ATAD5: variants seen among roughly 807,000 people sequenced by gnomAD.
The protein encoded by ATAD5 is ATPase family AAA domain containing 5, also known as ATPase family AAA domain-containing protein 5.
Under a neutral mutation model 176.9 loss-of-function variants are expected in ATAD5, and 58 were observed. The observed-to-expected ratio is 0.33, with a 90% CI of 0.27 to 0.41. The LOEUF (loss-of-function observed/expected upper bound fraction) is 0.41. ATAD5 is among the 10% of genes least tolerant of loss of function. ATAD5 has a pLI of 1.00. For synonymous variants in ATAD5, 640 were observed against 712.6 expected, an observed-to-expected ratio of 0.90 and a Z score of 1.62; for missense variants, 1,789 against 2,094.1, an observed-to-expected ratio of 0.85 and a Z score of 2.84.
rs1905801037 is a variant in ATAD5 at position 30,837,219 on chromosome 17, A to G, written c.1981A>G (p.Arg661Gly). Reference protein sequence around the residue: ...SESPIRMKFTRISTPKKSKKK... With the variant: ...SESPIRMKFTGISTPKKSKKK... ...TTTTTATTTCAGAATGAAATTCACC[A>G]GAATTAGTACTCCCAAAAAATCTAA... Residue 661 changes from arginine (R) to glycine (G), a missense_variant, in exon 3 of 23, where the codon AGA (arginine) becomes GGA (glycine). Coordinates refer to ENST00000321990, the MANE Select transcript of ATAD5 (RefSeq NM_024857.5). 6 of 1,529,506 alleles carry G rather than the reference A, an allele frequency of 3.9e-6. No individual in the cohort carries two copies. Among genetic ancestry groups the G allele is most frequent in the East Asian group, 2.3e-5 (1 of 43,786 alleles). 94.7% of individuals were successfully genotyped at this position (1,529,506 alleles called of 1,614,324 possible).
chr17:30,840,812 T>C (rs769021077), intron 4 of ATAD5, 31 bp downstream of exon 4: 39 of 1,569,896 alleles, frequency 2.5e-5, no homozygotes, highest in Non-Finnish European at 3.2e-5. Flanking sequence ...TTGGTATAAA[T>C]TCTCTCCTAT....
At position 30,865,870 on chromosome 17, in the gene ATAD5, G is replaced by A. The variant is rs556262743; in HGVS notation, c.3233+70G>A. The stretch of plus-strand genomic sequence containing the variant: ...GTTTTACTGTTTTTGTTTCGAAATT[G>A]TAGTTACAAAGTAATATATCTCATG... On this transcript the variant is annotated intron_variant, in intron 11 of 22. Transcript: ENST00000321990. 439 of 1,032,786 alleles carry A rather than the reference G, an allele frequency of 4.3e-4. 6 individuals are homozygous for A. The highest frequency in any genetic ancestry group is 4.1e-3 in the South Asian group (228 of 55,130). 64.0% of individuals were successfully genotyped at this position (1,032,786 alleles called of 1,614,324 possible).
intron 9 of ATAD5, among the ~76,000 whole-genome samples, chr17:30,859,378 G>C (rs556338178): frequency 6.6e-6 from 1 of 151,580 alleles, no homozygotes; most frequent in Non-Finnish European, 1.5e-5. Flanking sequence ...TTTATTTTTT[G>C]AGACAGAGTC....
intron 19 of ATAD5, 72 bp from the exon 20 acceptor site, chr17:30,892,535 A>G: frequency 9.0e-7 from 1 of 1,109,258 alleles, no homozygotes; most frequent in Non-Finnish European, 1.2e-6. Context: ...AAAGGATCTC[A>G]GGCTTTAAAT....
chr17:30,874,996 A>G (rs749133871), intron 14 of ATAD5, among the ~76,000 whole-genome samples: 18 of 152,164 alleles, frequency 1.2e-4, no homozygotes, highest in Non-Finnish European at 2.2e-4. Context: ...TATTTTTGAA[A>G]TGATGGTCAT....
intron 6 of ATAD5, among the ~76,000 whole-genome samples, chr17:30,851,179 G>A (rs531507569): frequency 1.8e-4 from 27 of 146,210 alleles, no homozygotes; most frequent in African/African-American, 3.7e-4. Context: ...GTGAGCCACC[G>A]TGCCGGTCTC....
At position 30,842,993 on chromosome 17, in the gene ATAD5, C is replaced by T. The variant is rs935057995; in HGVS notation, c.2242-920C>T. On this transcript the variant is annotated intron_variant, in intron 4 of 22. Coordinates refer to ENST00000321990, the MANE Select transcript of ATAD5 (RefSeq NM_024857.5). Reference sequence around the variant, plus strand: ...CCTGACCTCAGGTAATCCCCCCTGCCTTGGCCTCCCCAAGTGCTGAGATTA... The same window carrying T: ...CCTGACCTCAGGTAATCCCCCCTGCTTTGGCCTCCCCAAGTGCTGAGATTA... 2.6e-5 allele frequency among the ~76,000 whole-genome samples: 4 copies of T among 151,992 alleles called. No individual in the cohort carries two copies. In the East Asian group the frequency reaches 7.8e-4, roughly 30 times the overall value.
In ATAD5 at chr17:30,835,458, C is replaced by T. The variant is rs773951046; in HGVS notation, c.1377C>T (p.Gly459=). Reference sequence around the variant, plus strand: ...GTATCCAAATGGTTTCAAAAAATGGCAATTTACAGTTACACACTGATAAAG... The same window carrying T: ...GTATCCAAATGGTTTCAAAAAATGGTAATTTACAGTTACACACTGATAAAG... The part of the protein sequence containing the change: ...NSGIQMVSKN[G]NLQLHTDKGS... The change falls in exon 2 of 23, where the codon GGC becomes GGT. Residue 459 remains glycine (G), a synonymous_variant. Coordinates refer to ENST00000321990, the MANE Select transcript of ATAD5 (RefSeq NM_024857.5). 1.9e-6 allele frequency: 3 copies of T among 1,610,818 alleles called. No homozygotes were observed. Among genetic ancestry groups the T allele is most frequent in the Middle Eastern group, 3.3e-4 (2 of 6,058 alleles).
chr17:30,871,387 G>A (rs778156699), intron 14 of ATAD5, among the ~76,000 whole-genome samples: 5 of 150,966 alleles, frequency 3.3e-5, no homozygotes, highest in South Asian at 2.1e-4. Context: ...CGCACTTGTC[G>A]CCCAGGCTGG....
At chr17:30,865,363 G>A (rs780015185) in intron 10 of ATAD5, among the ~76,000 whole-genome samples, 11 of 151,916 alleles carry the variant, frequency 7.2e-5, no homozygotes, top group Non-Finnish European at 1.0e-4. Context: ...TAGTAGAGAC[G>A]GGGTTTCACC....
At chr17:30,870,902 G>A (rs769641080) in intron 14 of ATAD5, among the ~76,000 whole-genome samples, 38 of 152,018 alleles carry the variant, frequency 2.5e-4, no homozygotes, top group Non-Finnish European at 4.4e-4. Flanking sequence ...TCTTGTGCTT[G>A]GGATTTGTTG....
intron 14 of ATAD5, among the ~76,000 whole-genome samples, chr17:30,874,102 T>C (rs1331448381): frequency 6.6e-6 from 1 of 151,356 alleles, no homozygotes; most frequent in African/African-American, 2.4e-5. Flanking sequence ...GAGGTGGAGG[T>C]TACAGTGAGC....
intron 1 of ATAD5, among the ~76,000 whole-genome samples, chr17:30,832,781 T>C (rs1675667762): frequency 6.6e-6 from 1 of 152,216 alleles, no homozygotes; most frequent in Non-Finnish European, 1.5e-5. Flanking sequence ...ACTTTAGCGC[T>C]GAAGAAGATC....
In ATAD5 at chr17:30,894,065, G is replaced by C; in HGVS notation, c.5212G>C (p.Gly1738Arg). Residue 1738 changes from glycine (G) to arginine (R), a missense_variant, in exon 21 of 23, where the codon GGA (glycine) becomes CGA (arginine). Physicochemically the swap from Gly to Arg is moderately radical, Grantham distance 125. This residue lies in a region of ATAD5 where 403 missense variants were observed against 495.1 expected (regional missense o/e 0.81). Transcript: ENST00000321990. ...LETLNSCKKL[G>R]RDPTNDLTFY... Reference sequence around the variant, plus strand: ...AACCTTGAATTCTTGCAAGAAATTAGGAAGAGATCCAACCAACGATCTTAC... The same window carrying C: ...AACCTTGAATTCTTGCAAGAAATTACGAAGAGATCCAACCAACGATCTTAC... The C allele has an allele frequency of 6.2e-7, 1 of 1,610,928 alleles. No individual in the cohort carries two copies. The highest frequency in any genetic ancestry group is 8.5e-7 in the Non-Finnish European group (1 of 1,177,710).
At chr17:30,893,231 A>G in intron 20 of ATAD5, 63 bp from the exon 21 acceptor site, 2 of 1,481,276 alleles carry the variant, frequency 1.4e-6, no homozygotes, top group Admixed American at 4.7e-5. Flanking sequence ...ATATTCATAC[A>G]GGTAGAAAAG....
At chr17:30,837,970 T>C (rs1207925606) in intron 3 of ATAD5, among the ~76,000 whole-genome samples, 1 of 152,232 alleles carries the variant, frequency 6.6e-6, no homozygotes, top group Non-Finnish European at 1.5e-5. Context: ...AACCTTGCTA[T>C]TATTGACATT....
chr17:30,832,514 G>T (rs545073306), intron 1 of ATAD5, 101 bp downstream of exon 1: 6 of 1,248,922 alleles, frequency 4.8e-6, no homozygotes, highest in Admixed American at 3.0e-5. Context: ...TAAGGGGAAA[G>T]GTGGGACATT....
rs1908766365 is a variant in ATAD5, at chr17:30,877,890, TCA to T, written c.3919-109_3919-108del. 1.2e-5 allele frequency: 9 copies of T among 754,160 alleles called. No individual in the cohort carries two copies. In the South Asian group the frequency reaches 1.8e-4, roughly 15 times the overall value. The allele number at this position is 754,160 out of a possible 1,614,324, so 46.7% of individuals were successfully genotyped here. ...CATAAACTTTCAACATGAGCTGAATTCACACTTCATAAATTCATAAATTTTGT... is the reference window on the plus strand; with the variant it reads ...CATAAACTTTCAACATGAGCTGAATTCACTTCATAAATTCATAAATTTTGT... On this transcript the variant is annotated intron_variant, in intron 16 of 22. Coordinates refer to ENST00000321990, the MANE Select transcript of ATAD5 (RefSeq NM_024857.5).
intron 14 of ATAD5, among the ~76,000 whole-genome samples, chr17:30,872,023 A>G (rs1354298738): frequency 6.6e-6 from 1 of 152,018 alleles, no homozygotes; most frequent in Non-Finnish European, 1.5e-5. Context: ...GGCTTGGGCA[A>G]TCCCCCAACC....
Sources: allele counts gnomAD v4.1 joint callset (sites outside exome capture counted in the v4.1 genomes callset), GRCh38; gene constraint gnomAD v4.1.1; regional missense constraint gnomAD v4.1.1; transcripts MANE v1.5; gene names NCBI Gene and HGNC (gene_info 2026-07-23, HGNC 2026-07-21).